Variants in FYCO1 observed in about 807,000 individuals in gnomAD.
FYCO1 encodes FYVE and coiled-coil domain-containing protein 1.
In FYCO1, 122 loss-of-function variants were observed where a neutral mutation model predicts 165.1. The ratio of observed to expected loss-of-function variants is 0.74; its 90% CI spans 0.64 to 0.86. FYCO1 has a LOEUF of 0.86. Among genes scored for constraint, FYCO1 ranks in the 40% least tolerant of loss-of-function variants. The pLI, the probability that FYCO1 is intolerant of heterozygous loss-of-function variation, is 0.00. For missense variants in FYCO1, 1,702 were observed against 1,810.3 expected, an observed-to-expected ratio of 0.94 and a Z score of 1.09; for synonymous variants, 648 against 742.5, an observed-to-expected ratio of 0.87 and a Z score of 2.07.
chr3:45,978,245 C>T (rs990489933), intron 4 of FYCO1, among the ~76,000 whole-genome samples: 5 of 152,150 alleles, frequency 3.3e-5, no homozygotes, highest in African/African-American at 1.2e-4. Context: ...GCTTTAGTTG[C>T]TCTGATGCAG....
At chr3:45,990,712 A>C (rs546094640) in intron 1 of FYCO1, among the ~76,000 whole-genome samples, 3 of 152,352 alleles carry the variant, frequency 2.0e-5, no homozygotes, top group African/African-American at 7.2e-5. Flanking sequence ...CATACAAACT[A>C]AACTTTGAGG....
At chr3:45,959,875 C>T (rs34849862) in intron 11 of FYCO1, among the ~76,000 whole-genome samples, 6 of 152,276 alleles carry the variant, frequency 3.9e-5, no homozygotes, top group East Asian at 3.9e-4. Flanking sequence ...TAAGCTAAAA[C>T]GTGCTGCCAT....
intron 1 of FYCO1, among the ~76,000 whole-genome samples, chr3:45,990,123 A>G (rs1329848727): frequency 6.6e-6 from 1 of 152,246 alleles, no homozygotes; most frequent in Non-Finnish European, 1.5e-5. Context: ...CAGGGGGTCA[A>G]TCCAGCTAGT....
rs770340073 is a variant in FYCO1, at chr3:45,959,404, C to T, written c.3576G>A (p.Arg1192=). The T allele has an allele frequency of 5.0e-6, 8 of 1,613,970 alleles. 1 individual carries two copies. In the South Asian group the frequency reaches 8.8e-5, roughly 18 times the overall value. The part of the protein sequence containing the change: ...CKREFSWMVR[R]HHCRICGRIF... ...AGCTCCCTGCTGACCTGCAGTGGTG[C>T]CGCCGCACCATCCAGCTGAACTCCC... Residue 1192 remains arginine (R), a synonymous_variant, in exon 12 of 18, where the codon CGG becomes CGA. Transcript: ENST00000296137.
chr3:45,974,990 G>T (rs1039047133), intron 5 of FYCO1, among the ~76,000 whole-genome samples: 2 of 152,156 alleles, frequency 1.3e-5, no homozygotes, highest in Non-Finnish European at 2.9e-5. Flanking sequence ...AGAGAGTAAC[G>T]GGTGAGGCCT....
intron 16 of FYCO1, among the ~76,000 whole-genome samples, chr3:45,927,786 G>A (rs1324563328): frequency 6.6e-6 from 1 of 152,246 alleles, no homozygotes; most frequent in African/African-American, 2.4e-5. Context: ...GGGGTGTATG[G>A]GAAGGAGCTG....
At chr3:45,966,229 C>A (rs940327924) in intron 8 of FYCO1, 48 bp downstream of exon 8, 7 of 1,597,610 alleles carry the variant, frequency 4.4e-6, no homozygotes, top group Non-Finnish European at 6.0e-6. Context: ...ACCCACCAGG[C>A]CTGCCCAGGG....
chr3:45,945,377 T>C (rs1704518886), intron 14 of FYCO1: 1 of 152,272 alleles, frequency 6.6e-6, no homozygotes, highest in African/African-American at 2.4e-5. Flanking sequence ...TTGGCACTCA[T>C]GGGCTGATGT....
chr3:45,977,396 TATATATATATAAAG>T (rs1706824756), intron 4 of FYCO1, among the ~76,000 whole-genome samples: 3 of 63,624 alleles, frequency 4.7e-5, no homozygotes, highest in Admixed American at 2.0e-4. Flanking sequence ...TATATATATA[TATATATATATAAAG>T]GGAACTATTT....
At chr3:45,938,601 T>A (rs1369849482) in intron 14 of FYCO1, among the ~76,000 whole-genome samples, 1 of 152,142 alleles carries the variant, frequency 6.6e-6, no homozygotes, top group Non-Finnish European at 1.5e-5. Flanking sequence ...TCAAGCGATT[T>A]TCCTGCCTCA....
chr3:45,968,055 G>A lies in FYCO1; in HGVS notation c.1279C>T (p.Gln427Ter), dbSNP rs1432578748. The A allele has an allele frequency of 6.2e-7, 1 of 1,614,118 alleles. No individual in the cohort carries two copies. Among genetic ancestry groups the A allele is most frequent in the Non-Finnish European group, 8.5e-7 (1 of 1,180,012 alleles). The change falls in exon 8 of 18, where the codon CAA becomes TAA. Residue 427 changes from glutamine (Q) to a stop codon, truncating the protein, a stop_gained. Coordinates refer to ENST00000296137, the MANE Select transcript of FYCO1 (RefSeq NM_024513.4). LOFTEE classifies it high-confidence loss of function. ...AGCTCCTTGACCAGCTGTTCCAGTT[G>A]GGCACTCTGCTGTCTGTTGACCTCC... ...VEEVNRQQSA[Q>*]LEQLVKELQL...
intron 4 of FYCO1, among the ~76,000 whole-genome samples, chr3:45,976,463 A>G (rs1434644987): frequency 2.0e-5 from 3 of 152,238 alleles, no homozygotes; most frequent in East Asian, 3.8e-4. Context: ...GAAACTCAAG[A>G]AAGTAGGCAG....
chr3:45,964,355 G>A lies in FYCO1; in HGVS notation c.3250C>T (p.Leu1084=), dbSNP rs747851896. ...ACTAACCTTTCTAGGTCTTCACGCA[G>A]GGCAGCCCCCTCCTTGTCCTTCCTC... ...MLRKDKEGAA[L]REDLERTQKE... Residue 1084 remains leucine, a synonymous_variant, in exon 10 of 18, where the codon CTG becomes TTG. Transcript: ENST00000296137. The surrounding 1 kb of genome is among the most constrained non-coding windows in gnomAD (Gnocchi z 4.1). The A allele has an allele frequency of 6.2e-7, 1 of 1,613,946 alleles. No homozygotes were observed. Among genetic ancestry groups the A allele is most frequent in the Non-Finnish European group, 8.5e-7 (1 of 1,179,818 alleles).
chr3:45,991,294 C>T (rs916897641), intron 1 of FYCO1, among the ~76,000 whole-genome samples: 18 of 152,122 alleles, frequency 1.2e-4, no homozygotes, highest in Admixed American at 8.5e-4. Flanking sequence ...GTGTCTACTC[C>T]ACACTGCCTA....
chr3:45,966,516 C>T lies in FYCO1; in HGVS notation c.2818G>A (p.Ala940Thr). Residue 940 changes from alanine to threonine, a missense_variant, in exon 8 of 18, where the codon GCC becomes ACC. By Grantham distance (58) the Ala-to-Thr change is moderately conservative. Transcript: ENST00000296137. ...VQELQDAKEA[A>T]SREREGLERQ... ...TCCAGGCCCTCTCGCTCCCTTGAGGCTGCCTCTTTGGCGTCCTGGAGCTCC... is the reference window on the plus strand; with the variant it reads ...TCCAGGCCCTCTCGCTCCCTTGAGGTTGCCTCTTTGGCGTCCTGGAGCTCC... 1 of 1,613,100 alleles carries T rather than the reference C, an allele frequency of 6.2e-7. No individual in the cohort carries two copies. Among genetic ancestry groups the T allele is most frequent in the African/African-American group, 1.3e-5 (1 of 75,060 alleles).
chr3:45,924,601 A>T (rs1275775235), intron 16 of FYCO1, among the ~76,000 whole-genome samples: 1 of 152,042 alleles, frequency 6.6e-6, no homozygotes, highest in East Asian at 1.9e-4. Context: ...AGGCAGAGCC[A>T]GTCAACATTT....
chr3:45,940,976 T>C (rs1001167944), intron 14 of FYCO1: 2 of 152,242 alleles, frequency 1.3e-5, no homozygotes, highest in African/African-American at 4.8e-5. Context: ...CTCCTGCTTA[T>C]AGAACAATTG....
intron 4 of FYCO1, among the ~76,000 whole-genome samples, chr3:45,977,361 A>ATATATC: frequency 3.2e-4 from 2 of 6,322 alleles, no homozygotes; most frequent in Non-Finnish European, 8.2e-4. Flanking sequence ...ATATATATAT[A>ATATATC]TATATATATA....
intron 1 of FYCO1, among the ~76,000 whole-genome samples, chr3:45,992,830 A>G (rs993786671): frequency 1.3e-5 from 2 of 152,208 alleles, no homozygotes; most frequent in African/African-American, 4.8e-5. Flanking sequence ...AATTCCTTCC[A>G]GCTCCATTTT....
Sources: allele counts gnomAD v4.1 joint callset (sites outside exome capture counted in the v4.1 genomes callset), GRCh38; gene constraint gnomAD v4.1.1; non-coding constraint Gnocchi (gnomAD v3.1); transcripts MANE v1.5; gene names NCBI Gene and HGNC (gene_info 2026-07-23, HGNC 2026-07-21).